The following CRYBB3 variants were observed in gnomAD, a reference collection of about 807,000 sequenced individuals.
CRYBB3 encodes the protein beta-crystallin B3.
CRYBB3 carries 35 observed loss-of-function variants against 28.3 expected under a neutral mutation model. That is an observed-to-expected ratio of 1.24 (90% CI 0.95 to 1.64). The LOEUF is 1.64. Ranked by LOEUF, CRYBB3 falls within the 40% of genes most tolerant of loss-of-function variation. The pLI is 0.00. For synonymous variants in CRYBB3, 106 were observed against 110.4 expected (o/e 0.96, Z 0.25); for missense variants, 296 against 297.4 (o/e 1.00, Z 0.04).
chr22:25,204,024 C>G (rs1304748849), intron 4 of CRYBB3, 129 bp downstream of exon 4: 1 of 1,139,348 alleles, frequency 8.8e-7, no homozygotes, highest in Non-Finnish European at 1.3e-6. Flanking sequence ...GAAGGGCCCT[C>G]ATGTTTCTGA....
intron 5 of CRYBB3, among the ~76,000 whole-genome samples, chr22:25,206,068 A>G (rs1935028834): frequency 6.6e-6 from 1 of 152,164 alleles, no homozygotes; most frequent in African/African-American, 2.4e-5. Flanking sequence ...CCGTTGATGC[A>G]GTCTTAGGAT....
At chr22:25,203,261 G>A (rs1262600293) in intron 3 of CRYBB3, among the ~76,000 whole-genome samples, 1 of 152,206 alleles carries the variant, frequency 6.6e-6, no homozygotes, top group Non-Finnish European at 1.5e-5. Flanking sequence ...TGGATTGCAA[G>A]TCCAGGCTCT....
At position 25,203,875 on chromosome 22, in the gene CRYBB3, T is replaced by C. The variant is rs760515602; in HGVS notation, c.307T>C (p.Ser103Pro). Residue 103 changes from serine to proline, a missense_variant, in exon 4 of 6, where the codon TCC (serine) becomes CCC (proline). Physicochemically the swap from Ser to Pro is moderately conservative, Grantham distance 74. Transcript: ENST00000215855. ...CAGCCGTGATAGTGACAGCCTTCTGTCCCTCCGGCCTCTGAATATTGTGAG... is the reference window on the plus strand; with the variant it reads ...CAGCCGTGATAGTGACAGCCTTCTGCCCCTCCGGCCTCTGAATATTGTGAG... ...SNSRDSDSLL[S>P]LRPLNIDSPH... 2 of 1,614,156 alleles carry C rather than the reference T, an allele frequency of 1.2e-6. No homozygotes were observed. The highest frequency in any genetic ancestry group is 2.2e-5 in the East Asian group (1 of 44,884).
intron 2 of CRYBB3, 87 bp downstream of exon 2, chr22:25,201,558 G>C: frequency 6.4e-7 from 1 of 1,563,638 alleles, no homozygotes; most frequent in East Asian, 2.3e-5. Flanking sequence ...TCTGCAGGAA[G>C]GAAGAGCCAT....
In CRYBB3 at chr22:25,205,338, C is replaced by A; in HGVS notation, c.446C>A (p.Ala149Glu). ...LWAHGFQDRV[A>E]SVRAINGTWV... ...GCTCATGGCTTCCAGGACCGTGTGGCGAGTGTCCGTGCCATCAACGGGACG... is the reference window on the plus strand; with the variant it reads ...GCTCATGGCTTCCAGGACCGTGTGGAGAGTGTCCGTGCCATCAACGGGACG... Residue 149 changes from alanine (A) to glutamate (E), a missense_variant, in exon 5 of 6, where the codon GCG becomes GAG. By Grantham distance (107) the Ala-to-Glu change is moderately radical. Transcript: ENST00000215855. The A allele has an allele frequency of 6.2e-7, 1 of 1,614,078 alleles. No homozygotes were observed. The highest frequency in any genetic ancestry group is 8.5e-7 in the Non-Finnish European group (1 of 1,180,006).
At position 25,201,744 on chromosome 22, in the gene CRYBB3, C is replaced by T. The variant is rs531720937; in HGVS notation, c.75+273C>T. Among the ~76,000 whole-genome samples the T allele has an allele frequency of 1.3e-4, 20 of 151,808 alleles. No individual in the cohort carries two copies. The South Asian group carries it at 3.7e-3, about 28-fold the overall frequency. On this transcript the variant is annotated intron_variant, in intron 2 of 5. Coordinates refer to ENST00000215855, the MANE Select transcript of CRYBB3 (RefSeq NM_004076.5). ...AGAGAGGCCCGGGGGTTTCTGGAAA[C>T]GGCTCTGAGCTCTGACTCTCCTGTC...
intron 5 of CRYBB3, among the ~76,000 whole-genome samples, chr22:25,205,848 A>T (rs1366183641): frequency 1.3e-5 from 2 of 152,066 alleles, no homozygotes; most frequent in Admixed American, 1.3e-4. Context: ...AAACAAGTAA[A>T]ATCTGTTCTC....
chr22:25,202,208 GGT>G (rs1203325452), intron 2 of CRYBB3, among the ~76,000 whole-genome samples: 4 of 152,100 alleles, frequency 2.6e-5, no homozygotes, highest in African/African-American at 9.7e-5. Flanking sequence ...GCAAAACCTT[GGT>G]CTGCCTTTGC....
chr22:25,207,020 C>T, intron 5 of CRYBB3, 27 bp from the exon 6 acceptor site: 1 of 1,588,854 alleles, frequency 6.3e-7, no homozygotes, highest in Non-Finnish European at 8.6e-7. Context: ...GCAGACCGTC[C>T]ACATCTCAAC....
chr22:25,203,982 C>CCAAACCCTCAGCCCAGCT, intron 4 of CRYBB3, 87 bp downstream of exon 4: 1 of 1,569,638 alleles, frequency 6.4e-7, no homozygotes, highest in Non-Finnish European at 8.8e-7. Context: ...ACAAGCTGGG[C>CCAAACCCTCAGCCCAGCT]TGAGGGTTTG....
rs191142822 is a variant in CRYBB3, at chr22:25,206,411, C to T, written c.471-636C>T. On this transcript the variant is annotated intron_variant, in intron 5 of 5. Transcript: ENST00000215855. ...ATACAAAATTAGCCGGGCATGGTGG[C>T]GCATGCCTGTAATCCCAGCTACTCA... 6.1e-3 allele frequency among the ~76,000 whole-genome samples: 930 copies of T among 152,180 alleles called. 9 individuals carry two copies. Among genetic ancestry groups the T allele is most frequent in the Non-Finnish European group, 9.6e-3 (651 of 68,024 alleles).
rs1034670739 is a variant in CRYBB3, at chr22:25,202,745, C to T, written c.147C>T (p.Thr49=). 6.2e-6 allele frequency: 10 copies of T among 1,613,926 alleles called. No homozygotes were observed. The East Asian group carries it at 6.7e-5, about 11-fold the overall frequency. The change falls in exon 3 of 6, where the codon ACC becomes ACT. Residue 49 remains threonine, a synonymous_variant. Transcript: ENST00000215855. ...TCTCGGCCGAGTGCCCCAGCCTGACCGACAGCCTGCTGGAGAAGGTGGGCT... is the reference window on the plus strand; with the variant it reads ...TCTCGGCCGAGTGCCCCAGCCTGACTGACAGCCTGCTGGAGAAGGTGGGCT... ...CELSAECPSL[T]DSLLEKVGSI...
At chr22:25,204,619 T>C (rs1934999444) in intron 4 of CRYBB3, among the ~76,000 whole-genome samples, 1 of 152,194 alleles carries the variant, frequency 6.6e-6, no homozygotes, top group Admixed American at 6.5e-5. Flanking sequence ...CGTTTTGCCA[T>C]GTTGGCAAAG....
At chr22:25,206,531 G>A (rs1304221799) in intron 5 of CRYBB3, among the ~76,000 whole-genome samples, 1 of 152,132 alleles carries the variant, frequency 6.6e-6, no homozygotes, top group Admixed American at 6.6e-5. Context: ...CAACAAGAGC[G>A]AAACTCCATC....
At chr22:25,204,211 A>C (rs1934994382) in intron 4 of CRYBB3, among the ~76,000 whole-genome samples, 1 of 152,236 alleles carries the variant, frequency 6.6e-6, no homozygotes, top group Non-Finnish European at 1.5e-5. Flanking sequence ...TATCAAAGAA[A>C]TGCAGTCCAG....
At chr22:25,205,137 T>C in intron 4 of CRYBB3, 83 bp from the exon 5 acceptor site, 2 of 1,590,004 alleles carry the variant, frequency 1.3e-6, no homozygotes, top group Admixed American at 1.7e-5. Context: ...TGGTGACCTG[T>C]TGATTCTTTC....
At chr22:25,205,729 G>A (rs1286700882) in intron 5 of CRYBB3, among the ~76,000 whole-genome samples, 1 of 152,180 alleles carries the variant, frequency 6.6e-6, no homozygotes, top group African/African-American at 2.4e-5. Context: ...AAAGTGCTGG[G>A]ATTACAGGTG....
intron 2 of CRYBB3, among the ~76,000 whole-genome samples, chr22:25,201,898 G>C (rs372442543): frequency 6.6e-6 from 1 of 152,148 alleles, no homozygotes; most frequent in East Asian, 1.9e-4. Flanking sequence ...TTGGTGTAAA[G>C]GCTGAAAGAC....
chr22:25,205,108 G>A (rs1935008275), intron 4 of CRYBB3, 112 bp from the exon 5 acceptor site: 1 of 1,419,274 alleles, frequency 7.0e-7, no homozygotes, highest in Non-Finnish European at 9.8e-7. Context: ...CAGCAGGTTT[G>A]GGGGTGGGTG....
Sources: gnomAD v4.1 joint callset for allele counts (sites outside exome capture counted in the v4.1 genomes callset) on GRCh38, gnomAD v4.1.1 for gene constraint, MANE v1.5 for transcripts, NCBI Gene and HGNC (gene_info 2026-07-23, HGNC 2026-07-21) for gene names.